Variants in LHFPL3 observed in about 807,000 individuals in gnomAD.
LHFPL3 encodes the protein LHFPL tetraspan subfamily member 3 protein.
Under a neutral mutation model 19.3 loss-of-function variants are expected in LHFPL3, and 5 were observed. The observed-to-expected ratio is 0.26, with a 90% confidence interval of 0.14 to 0.54. LHFPL3 has a LOEUF of 0.54. LHFPL3 is among the 20% of genes least tolerant of loss of function. LHFPL3 has a pLI of 0.94. For missense variants in LHFPL3, 249 were observed against 307.4 expected, an observed-to-expected ratio of 0.81 and a Z score of 1.42; for synonymous variants, 133 against 126.2, an observed-to-expected ratio of 1.05 and a Z score of -0.36.
chr7:104,668,545 A>G (rs1792405987), intron 1 of LHFPL3: 3 of 1,613,034 alleles, frequency 1.9e-6, no homozygotes, highest in African/African-American at 1.3e-5. Flanking sequence ...GATAGAGGCT[A>G]TGATTCCCGG....
At chr7:104,561,098 C>G (rs554950128) in intron 1 of LHFPL3, among the ~76,000 whole-genome samples, 1 of 152,152 alleles carries the variant, frequency 6.6e-6, no homozygotes, top group African/African-American at 2.4e-5. Flanking sequence ...AGCTTTACTT[C>G]CCAGTATGTG....
intron 1 of LHFPL3, among the ~76,000 whole-genome samples, chr7:104,543,847 A>G (rs1794532433): frequency 6.6e-6 from 1 of 150,968 alleles, no homozygotes; most frequent in Admixed American, 6.6e-5. Flanking sequence ...GCACACCAAC[A>G]TGGCACATGT....
intron 1 of LHFPL3, among the ~76,000 whole-genome samples, chr7:104,459,853 G>A (rs535436065): frequency 1.3e-5 from 2 of 152,124 alleles, no homozygotes; most frequent in Admixed American, 6.5e-5. Flanking sequence ...TGCTTGAACA[G>A]ATTTTTCTAA....
chr7:104,416,985 CAG>C (rs1479013834), intron 1 of LHFPL3, among the ~76,000 whole-genome samples: 1 of 152,208 alleles, frequency 6.6e-6, no homozygotes. Context: ...TCAATTCATG[CAG>C]ACAGATACCT....
At chr7:104,698,451 G>A (rs1471641619) in intron 1 of LHFPL3, among the ~76,000 whole-genome samples, 1 of 152,142 alleles carries the variant, frequency 6.6e-6, no homozygotes, top group Non-Finnish European at 1.5e-5. Context: ...GACAATAAAA[G>A]ACAAAATAGG....
intron 2 of LHFPL3, among the ~76,000 whole-genome samples, chr7:104,816,693 CA>C (rs1289115579): frequency 6.6e-6 from 1 of 152,212 alleles, no homozygotes; most frequent in African/African-American, 2.4e-5. Context: ...CAAAGGCACA[CA>C]GTGGCTGTCA....
At chr7:104,598,717 T>G (rs371151437) in intron 1 of LHFPL3, among the ~76,000 whole-genome samples, 9 of 152,242 alleles carry the variant, frequency 5.9e-5, no homozygotes, top group African/African-American at 1.9e-4. Flanking sequence ...TGCTCATTCC[T>G]TTCATCAAAC....
At chr7:104,866,591 C>T (rs930015776) in intron 2 of LHFPL3, among the ~76,000 whole-genome samples, 2 of 152,124 alleles carry the variant, frequency 1.3e-5, no homozygotes, top group Non-Finnish European at 2.9e-5. Context: ...CCTTAGACAC[C>T]TACAAAGAGA....
intron 2 of LHFPL3, among the ~76,000 whole-genome samples, chr7:104,770,953 C>G (rs916410575): frequency 6.6e-6 from 1 of 152,194 alleles, no homozygotes; most frequent in Non-Finnish European, 1.5e-5. Flanking sequence ...GATATTCATT[C>G]TGCTCATTGA....
chr7:104,680,426 C>A (rs1792673395), intron 1 of LHFPL3, among the ~76,000 whole-genome samples: 1 of 152,182 alleles, frequency 6.6e-6, no homozygotes, highest in Non-Finnish European at 1.5e-5. Flanking sequence ...ACAGGGGATT[C>A]ATTATTTATG....
rs779348307 is a variant in LHFPL3, at chr7:104,328,788, AGCCGCCGCCGCTGCC to A, written c.21_35del (p.Ala10_Ala14del). The A allele has an allele frequency of 8.8e-6, 14 of 1,593,300 alleles. No homozygotes were observed. Among genetic ancestry groups the A allele is most frequent in the Non-Finnish European group, 1.1e-5 (13 of 1,170,598 alleles). On this transcript the variant is annotated inframe_deletion, in exon 1 of 3. Transcript: ENST00000424859. The surrounding 1 kb of genome is among the most constrained non-coding windows in gnomAD (Gnocchi z 4.6). ...GGAGGAGGAGGGGGAGAATGCCCGG[AGCCGCCGCCGCTGCC>A]GCCGCCGCCGCCGCCGCGATGCTCC...
Position 104,407,822 on chromosome 7 carries a change from A to C in LHFPL3, c.445+78598A>C, listed in dbSNP as rs1297631368. ...ACTTGGAATGAAATAACTTTATTTA[A>C]ATTATTAGACTTTCTTTCATGACAA... On this transcript the variant is annotated intron_variant, in intron 1 of 2. Transcript: ENST00000424859. Among the ~76,000 whole-genome samples the C allele has an allele frequency of 2.0e-5, 3 of 152,344 alleles. No individual in the cohort carries two copies. The East Asian group carries it at 5.8e-4, about 29-fold the overall frequency.
intron 2 of LHFPL3, among the ~76,000 whole-genome samples, chr7:104,877,277 A>T (rs201921433): frequency 0.012 from 929 of 75,012 alleles, 10 homozygotes; most frequent in African/African-American, 0.039. Context: ...AAAGTATAAT[A>T]AAAAAAAAAT....
In LHFPL3 at chr7:104,589,565, A is replaced by G. The variant is rs1368590302; in HGVS notation, c.446-147110A>G. ...TGATGTTCATCAGGGATATTGGTCT[A>G]AAATTCTCTTTTTTTGTTGTGTCTC... On this transcript the variant is annotated intron_variant, in intron 1 of 2. Coordinates refer to ENST00000424859, the MANE Select transcript of LHFPL3 (RefSeq NM_199000.3). Among the ~76,000 whole-genome samples the G allele has an allele frequency of 2.0e-5, 3 of 152,224 alleles. No homozygotes were observed. The East Asian group carries it at 5.8e-4, about 29-fold the overall frequency.
At chr7:104,827,740 TA>T (rs568816326) in intron 2 of LHFPL3, among the ~76,000 whole-genome samples, 5 of 151,528 alleles carry the variant, frequency 3.3e-5, no homozygotes, top group Non-Finnish European at 5.9e-5. Context: ...CTTGTTTTAG[TA>T]AAAAAAATCC....
chr7:104,825,851 C>T (rs561471491), intron 2 of LHFPL3, among the ~76,000 whole-genome samples: 7 of 151,870 alleles, frequency 4.6e-5, no homozygotes, highest in Non-Finnish European at 1.0e-4. Flanking sequence ...CCCCTCATCC[C>T]GAGTTGAGTT....
intron 1 of LHFPL3, among the ~76,000 whole-genome samples, chr7:104,535,132 A>G (rs1245570429): frequency 6.6e-6 from 1 of 152,206 alleles, no homozygotes; most frequent in Non-Finnish European, 1.5e-5. Flanking sequence ...TGTTTTAGGT[A>G]TACATATTTC....
chr7:104,875,847 C>G (rs1217207614), intron 2 of LHFPL3, among the ~76,000 whole-genome samples: 1 of 152,304 alleles, frequency 6.6e-6, no homozygotes, highest in East Asian at 1.9e-4. Context: ...GCACACTGTA[C>G]GTTTGCCAAA....
At chr7:104,401,049 T>TA in intron 1 of LHFPL3, among the ~76,000 whole-genome samples, 1 of 152,352 alleles carries the variant, frequency 6.6e-6, no homozygotes, top group East Asian at 1.9e-4. Context: ...AGGAATGGCC[T>TA]AAGACCAGTC....
Sources: gnomAD v4.1 joint callset for allele counts (sites outside exome capture counted in the v4.1 genomes callset) on GRCh38, gnomAD v4.1.1 for gene constraint, Gnocchi (gnomAD v3.1) non-coding constraint, MANE v1.5 for transcripts, NCBI Gene and HGNC (gene_info 2026-07-23, HGNC 2026-07-21) for gene names.